The following ACOT7 variants were observed in gnomAD, a reference collection of about 807,000 sequenced individuals.
ACOT7 encodes acyl-CoA thioesterase 7.
ACOT7 carries 12 observed loss-of-function variants against 40.2 expected under a neutral mutation model. The ratio of observed to expected loss-of-function variants is 0.30; its 90% CI spans 0.19 to 0.48. The LOEUF (loss-of-function observed/expected upper bound fraction) is 0.48. Ranked by LOEUF, ACOT7 falls within the 20% of genes least tolerant of loss-of-function variation. ACOT7 has a pLI of 0.99. For missense variants in ACOT7, 395 were observed against 530.8 expected (o/e 0.74, Z 2.51); for synonymous variants, 228 against 219.5 (o/e 1.04, Z -0.34).
intron 5 of ACOT7, among the ~76,000 whole-genome samples, 170 bp downstream of exon 5, chr1:6,327,129 G>A (rs946731710): frequency 3.9e-5 from 6 of 152,134 alleles, no homozygotes; most frequent in African/African-American, 9.7e-5. Context: ...GGCTCAGGGC[G>A]GGGCTGGGGG....
At chr1:6,370,457 GTATTATTAT>G (rs34962967) in intron 1 of ACOT7, among the ~76,000 whole-genome samples, 4,441 of 140,780 alleles carry the variant, frequency 0.032, 84 homozygotes, top group African/African-American at 0.049. Context: ...AGCAGTGTTA[GTATTATTAT>G]TATTATTATT....
chr1:6,300,716 C>T (rs949672118), intron 6 of ACOT7, among the ~76,000 whole-genome samples: 87 of 149,870 alleles, frequency 5.8e-4, no homozygotes, highest in African/African-American at 1.9e-3. Context: ...TCCACAAACA[C>T]GGAATCTCAC....
intron 6 of ACOT7, among the ~76,000 whole-genome samples, chr1:6,308,268 C>T (rs1438587939): frequency 4.7e-5 from 7 of 149,754 alleles, no homozygotes; most frequent in Admixed American, 4.6e-4. Context: ...GGAACCGCAA[C>T]AGGCAGAAGG....
intron 3 of ACOT7, among the ~76,000 whole-genome samples, chr1:6,333,794 C>T (rs1213843460): frequency 1.4e-5 from 2 of 139,516 alleles, no homozygotes; most frequent in East Asian, 4.7e-4. Flanking sequence ...ACAAACAGAA[C>T]AAGAGACCCC....
chr1:6,393,733 G>A lies in ACOT7; in HGVS notation c.-334C>T, dbSNP rs970148394. On this transcript the variant is annotated 5_prime_UTR_variant, in exon 1 of 9. Transcript: ENST00000361521. ...CTAAGTGGCGGAGCAGGGCGGACTTGGGCCCTCACTCTCCGCGCGGCGGTA... is the reference window on the plus strand; with the variant it reads ...CTAAGTGGCGGAGCAGGGCGGACTTAGGCCCTCACTCTCCGCGCGGCGGTA... 1.1e-5 allele frequency: 2 copies of A among 182,308 alleles called. No homozygotes were observed. Among genetic ancestry groups the A allele is most frequent in the African/African-American group, 4.7e-5 (2 of 42,498 alleles). 11.3% of individuals were successfully genotyped at this position (182,308 alleles called of 1,614,324 possible).
chr1:6,269,649 C>T (rs1638967878), intron 8 of ACOT7, among the ~76,000 whole-genome samples: 1 of 152,348 alleles, frequency 6.6e-6, no homozygotes, highest in Middle Eastern at 3.4e-3. Context: ...CTGATGTGGC[C>T]CTGCTCTTTA....
At chr1:6,332,581 C>T (rs112880144) in intron 4 of ACOT7, among the ~76,000 whole-genome samples, 4 of 152,176 alleles carry the variant, frequency 2.6e-5, no homozygotes, top group African/African-American at 9.6e-5. Flanking sequence ...TTTGGGAGGC[C>T]GAGGTGGGTG....
intron 3 of ACOT7, among the ~76,000 whole-genome samples, chr1:6,337,485 C>T (rs1165028232): frequency 6.6e-6 from 1 of 152,232 alleles, no homozygotes; most frequent in East Asian, 1.9e-4. Flanking sequence ...TTCATTTGCT[C>T]ATCCACTATC....
At chr1:6,291,457 G>A (rs1317690696) in intron 7 of ACOT7, among the ~76,000 whole-genome samples, 2 of 152,202 alleles carry the variant, frequency 1.3e-5, no homozygotes, top group Non-Finnish European at 2.9e-5. Context: ...CCTTGGCCCT[G>A]CTGACGCCTT....
At chr1:6,373,898 G>A (rs1214237074) in intron 1 of ACOT7, among the ~76,000 whole-genome samples, 1 of 150,174 alleles carries the variant, frequency 6.7e-6, no homozygotes, top group African/African-American at 2.5e-5. Flanking sequence ...GACCTGCAAA[G>A]TGCAATGAAA....
In ACOT7 at chr1:6,330,876, A is replaced by C. The variant is rs1041312505; in HGVS notation, c.510+2601T>G. 1.2e-4 allele frequency among the ~76,000 whole-genome samples: 18 copies of C among 152,344 alleles called. No individual in the cohort carries two copies. The highest frequency in any genetic ancestry group is 2.2e-4 in the Non-Finnish European group (15 of 68,020). On this transcript the variant is annotated intron_variant, in intron 4 of 8. Transcript: ENST00000361521. The surrounding 1 kb of genome is among the most constrained non-coding windows in gnomAD (Gnocchi z 4.6). ...GCACCATCAGATGCTGAAGCCAGGCATGGGGCCTGGGAGAGATTTCAGAAC... is the reference window on the plus strand; with the variant it reads ...GCACCATCAGATGCTGAAGCCAGGCCTGGGGCCTGGGAGAGATTTCAGAAC...
In ACOT7 at chr1:6,294,984, C is replaced by T. The variant is rs769040966; in HGVS notation, c.713-4G>A. ...TCCATGAGCTTCATGGTCACACCTG[C>T]GGAGAAAGGGACATGCGGCAGATGA... is the stretch of plus-strand genomic sequence containing the variant. On this transcript the variant is annotated splice_polypyrimidine_tract_variant and splice_region_variant and intron_variant, in intron 6 of 8. Transcript: ENST00000361521. The surrounding 1 kb of genome is among the most constrained non-coding windows in gnomAD (Gnocchi z 4.6). 4.4e-6 allele frequency: 7 copies of T among 1,608,256 alleles called. No homozygotes were observed. The highest frequency in any genetic ancestry group is 1.3e-5 in the African/African-American group (1 of 74,924).
chr1:6,341,721 G>A (rs188848048), intron 2 of ACOT7, among the ~76,000 whole-genome samples: 7 of 152,152 alleles, frequency 4.6e-5, no homozygotes, highest in South Asian at 2.1e-4. Context: ...CAGCCTGGGC[G>A]ACAGAGCGAG....
chr1:6,323,274 C>T (rs995138930), intron 5 of ACOT7, among the ~76,000 whole-genome samples: 1 of 152,184 alleles, frequency 6.6e-6, no homozygotes, highest in Admixed American at 6.5e-5. Context: ...CTAGAAAGGA[C>T]CTGTCTTCAC....
At chr1:6,349,720 G>T (rs1358621229) in intron 2 of ACOT7, 29 bp downstream of exon 2, 2 of 1,598,772 alleles carry the variant, frequency 1.3e-6, no homozygotes, top group Non-Finnish European at 1.7e-6. Flanking sequence ...GGCCTCCAGG[G>T]CCCAGAGGTA....
intron 8 of ACOT7, among the ~76,000 whole-genome samples, chr1:6,271,494 T>C (rs1213519413): frequency 6.6e-6 from 1 of 152,202 alleles, no homozygotes; most frequent in African/African-American, 2.4e-5. Context: ...AGGGGCCTTG[T>C]GCATGGAGAA....
chr1:6,290,909 G>A (rs1246427719), intron 7 of ACOT7, among the ~76,000 whole-genome samples: 3 of 152,188 alleles, frequency 2.0e-5, no homozygotes, highest in East Asian at 1.9e-4. Flanking sequence ...GGGGGCCCCT[G>A]GGGGACTGCT....
intron 1 of ACOT7, among the ~76,000 whole-genome samples, chr1:6,363,821 A>G (rs1221268499): frequency 1.3e-5 from 2 of 152,140 alleles, no homozygotes; most frequent in Non-Finnish European, 2.9e-5. Flanking sequence ...CCCCGGGCCC[A>G]GCTGTCTTTT....
chr1:6,269,658 T>C (rs1191429515), intron 8 of ACOT7, among the ~76,000 whole-genome samples: 2 of 152,202 alleles, frequency 1.3e-5, no homozygotes, highest in East Asian at 3.9e-4. Flanking sequence ...CCCTGCTCTT[T>C]AATATTTGCA....
Sources: allele counts gnomAD v4.1 joint callset (sites outside exome capture counted in the v4.1 genomes callset), GRCh38; gene constraint gnomAD v4.1.1; non-coding constraint Gnocchi (gnomAD v3.1); transcripts MANE v1.5; gene names NCBI Gene and HGNC (gene_info 2026-07-23, HGNC 2026-07-21).